The following ARMC9 variants were observed in gnomAD, a reference collection of about 807,000 sequenced individuals.
The protein encoded by ARMC9 is armadillo repeat containing 9, also known as lisH domain-containing protein ARMC9.
Under a neutral mutation model 107.0 loss-of-function variants are expected in ARMC9, and 94 were observed. That is an observed-to-expected ratio of 0.88 (90% CI 0.74 to 1.04). ARMC9 has a LOEUF of 1.04. Among genes scored for constraint, ARMC9 ranks in the 50% least tolerant of loss-of-function variants. ARMC9 has a pLI of 0.00. For missense variants in ARMC9, 942 were observed against 1,030.1 expected, an observed-to-expected ratio of 0.91 and a Z score of 1.17; for synonymous variants, 380 against 396.9, an observed-to-expected ratio of 0.96 and a Z score of 0.51.
At chr2:231,365,824 A>G (rs891852030) in intron 23 of ARMC9, among the ~76,000 whole-genome samples, 4 of 152,058 alleles carry the variant, frequency 2.6e-5, no homozygotes, top group African/African-American at 9.7e-5. Flanking sequence ...TTTGAGACAC[A>G]GTCTCGCTCT....
intron 23 of ARMC9, among the ~76,000 whole-genome samples, chr2:231,365,193 A>G (rs1264977850): frequency 1.3e-5 from 2 of 152,230 alleles, no homozygotes; most frequent in Non-Finnish European, 2.9e-5. Flanking sequence ...GCAGTCACCT[A>G]TGACATAGGG....
chr2:231,316,523 G>A (rs933297426), intron 19 of ARMC9, among the ~76,000 whole-genome samples: 8 of 151,802 alleles, frequency 5.3e-5, no homozygotes, highest in East Asian at 1.9e-4. Context: ...TTAGCCAAGC[G>A]TGGTGGCACA....
chr2:231,240,228 T>G (rs1396376934), intron 9 of ARMC9, 187 bp downstream of exon 9: 9 of 617,272 alleles, frequency 1.5e-5, no homozygotes, highest in Non-Finnish European at 2.5e-5. Context: ...AAAGCTGGCC[T>G]CCTAGGGAGG....
At chr2:231,332,710 G>C (rs530608932) in intron 20 of ARMC9, among the ~76,000 whole-genome samples, 4 of 152,322 alleles carry the variant, frequency 2.6e-5, no homozygotes, top group African/African-American at 9.6e-5. Flanking sequence ...AGGTAGGGGG[G>C]CCTGGTGGGA....
intron 12 of ARMC9, among the ~76,000 whole-genome samples, chr2:231,267,822 C>G (rs13418374): frequency 6.6e-6 from 1 of 152,100 alleles, no homozygotes; most frequent in African/African-American, 2.4e-5. Flanking sequence ...ACACGGGCAG[C>G]GTTTACTAAA....
intron 17 of ARMC9, among the ~76,000 whole-genome samples, chr2:231,287,669 C>CTCATGTCATGCAATCATGTCATGTAA (rs2040699484): frequency 6.6e-6 from 1 of 152,132 alleles, no homozygotes; most frequent in Non-Finnish European, 1.5e-5. Flanking sequence ...GTCATGTAAT[C>CTCATGTCATGCAATCATGTCATGTAA]TCATGTCATG....
At chr2:231,296,711 T>A (rs2041397390) in intron 19 of ARMC9, among the ~76,000 whole-genome samples, 1 of 152,230 alleles carries the variant, frequency 6.6e-6, no homozygotes, top group African/African-American at 2.4e-5. Context: ...TGCATTCTTT[T>A]GACTTGTGTT....
chr2:231,335,387 G>C (rs2125564446), intron 20 of ARMC9, among the ~76,000 whole-genome samples: 1 of 152,258 alleles, frequency 6.6e-6, no homozygotes, highest in East Asian at 1.9e-4. Flanking sequence ...GTGCGACTGG[G>C]GCGTCCGCCA....
intron 5 of ARMC9, 133 bp downstream of exon 5, chr2:231,216,926 A>G: frequency 1.7e-6 from 2 of 1,163,308 alleles, no homozygotes; most frequent in Non-Finnish European, 2.4e-6. Context: ...TTTTAGTTAT[A>G]ACCATAATTT....
At chr2:231,206,366 T>A in intron 2 of ARMC9, 77 bp downstream of exon 2, 1 of 1,186,376 alleles carries the variant, frequency 8.4e-7, no homozygotes. Flanking sequence ...AACAAACTAT[T>A]TAGTGCCTTG....
Position 231,371,538 on chromosome 2 carries a change from A to G in ARMC9, c.*3A>G. On this transcript the variant is annotated 3_prime_UTR_variant, in exon 25 of 25. Coordinates refer to ENST00000611582, the MANE Select transcript of ARMC9 (RefSeq NM_001352754.2). ...GCAGCCAGTCTCACAGGAAGTAAGG[A>G]TGTCCCCGGGTGTCCCCATCACGTT... 2.4e-6 allele frequency: 3 copies of G among 1,237,554 alleles called. No homozygotes were observed. The highest frequency in any genetic ancestry group is 3.0e-6 in the Non-Finnish European group (3 of 990,634). The allele number at this position is 1,237,554 out of a possible 1,614,324, so 76.7% of individuals were successfully genotyped here. A position where few individuals can be genotyped will look rare whatever the true frequency, so the allele number is the denominator to read the frequency against.
chr2:231,309,001 CTG>C (rs1305100922), intron 19 of ARMC9, among the ~76,000 whole-genome samples: 2 of 152,360 alleles, frequency 1.3e-5, no homozygotes, highest in Non-Finnish European at 1.5e-5. Context: ...TGTCTTATGT[CTG>C]TGTTACTTGC....
chr2:231,259,995 CAAACA>C (rs1022877323), intron 11 of ARMC9, among the ~76,000 whole-genome samples: 7 of 152,244 alleles, frequency 4.6e-5, no homozygotes, highest in African/African-American at 1.4e-4. Flanking sequence ...GACCCCATCT[CAAACA>C]AAACAAAACA....
At chr2:231,270,185 C>T (rs528960821) in intron 12 of ARMC9, among the ~76,000 whole-genome samples, 23 of 152,232 alleles carry the variant, frequency 1.5e-4, no homozygotes, top group Middle Eastern at 3.4e-3. Flanking sequence ...TTGGGGTGGC[C>T]CTCTGTTCCA....
At chr2:231,283,181 G>A (rs559720489) in intron 17 of ARMC9, among the ~76,000 whole-genome samples, 22 of 151,990 alleles carry the variant, frequency 1.4e-4, no homozygotes, top group African/African-American at 4.3e-4. Flanking sequence ...CGGAAGAGAG[G>A]GACAACTTCC....
chr2:231,209,918 A>G lies in ARMC9; in HGVS notation c.177+1666A>G, dbSNP rs115848043. Among the ~76,000 whole-genome samples, 506 of 152,328 alleles carry G rather than the reference A, an allele frequency of 3.3e-3. 4 individuals are homozygous for G. The highest frequency in any genetic ancestry group is 0.012 in the African/African-American group (487 of 41,582). ...AGGCTGGTCTCAAACTCCCAATCTC[A>G]AGTGATCTTCCTGCCTCAACCTCCC... On this transcript the variant is annotated intron_variant, in intron 3 of 24. Coordinates refer to ENST00000611582, the MANE Select transcript of ARMC9 (RefSeq NM_001352754.2).
intron 12 of ARMC9, among the ~76,000 whole-genome samples, chr2:231,270,092 T>C (rs1042534340): frequency 1.3e-5 from 2 of 152,192 alleles, no homozygotes; most frequent in Non-Finnish European, 2.9e-5. Context: ...CCCCGTGGGC[T>C]GGTCATTTCA....
intron 19 of ARMC9, among the ~76,000 whole-genome samples, chr2:231,303,520 A>G (rs890864756): frequency 6.6e-6 from 1 of 152,236 alleles, no homozygotes; most frequent in Admixed American, 6.5e-5. Flanking sequence ...TAAGATTAAG[A>G]AAGTTTCCCT....
chr2:231,204,083 A>T (rs2031564599), intron 1 of ARMC9, among the ~76,000 whole-genome samples: 2 of 148,810 alleles, frequency 1.3e-5, no homozygotes, highest in African/African-American at 4.9e-5. Flanking sequence ...CTGAGGTGGG[A>T]GGACTGCTTG....
Sources: gnomAD v4.1 joint callset for allele counts (sites outside exome capture counted in the v4.1 genomes callset) on GRCh38, gnomAD v4.1.1 for gene constraint, MANE v1.5 for transcripts, NCBI Gene and HGNC (gene_info 2026-07-23, HGNC 2026-07-21) for gene names.